Variants in MPP7 observed in about 807,000 individuals in gnomAD.
MPP7 encodes the protein MAGUK p55 subfamily member 7.
Under a neutral mutation model 76.5 loss-of-function variants are expected in MPP7, and 60 were observed. That is an observed-to-expected ratio of 0.78 (90% CI 0.64 to 0.97). The LOEUF is 0.97. Ranked by LOEUF, MPP7 falls within the 50% of genes least tolerant of loss-of-function variation. The pLI is 0.00. For missense variants in MPP7, 641 were observed against 694.0 expected (o/e 0.92, Z 0.86); for synonymous variants, 237 against 244.5 (o/e 0.97, Z 0.29).
chr10:28,264,642 G>A (rs1481735039), intron 1 of MPP7, among the ~76,000 whole-genome samples: 1 of 150,886 alleles, frequency 6.6e-6, no homozygotes, highest in Non-Finnish European at 1.5e-5. Context: ...TCTGACTGAA[G>A]AGCCCAAGCA....
chr10:28,292,587 T>A (rs978462941), intron 1 of MPP7, among the ~76,000 whole-genome samples: 4 of 152,184 alleles, frequency 2.6e-5, no homozygotes, highest in Admixed American at 1.3e-4. Context: ...CTCTAGAGAT[T>A]ATAATTCAGT....
intron 1 of MPP7, among the ~76,000 whole-genome samples, chr10:28,242,287 C>T (rs1343619008): frequency 2.0e-5 from 3 of 152,270 alleles, no homozygotes; most frequent in Middle Eastern, 6.8e-3. Flanking sequence ...ACCAGATACA[C>T]ATACTCAAAA....
At chr10:28,060,019 G>A (rs1041053743) in intron 13 of MPP7, among the ~76,000 whole-genome samples, 3 of 151,198 alleles carry the variant, frequency 2.0e-5, no homozygotes, top group Non-Finnish European at 4.4e-5. Flanking sequence ...CCTGATACAA[G>A]AGTGCTATTT....
intron 11 of MPP7, among the ~76,000 whole-genome samples, chr10:28,113,743 C>G (rs1224341261): frequency 6.6e-6 from 1 of 152,214 alleles, no homozygotes. Context: ...ATACAACACA[C>G]TTGTCCATGT....
intron 1 of MPP7, among the ~76,000 whole-genome samples, chr10:28,247,536 C>A (rs1411855865): frequency 6.6e-6 from 1 of 152,134 alleles, no homozygotes; most frequent in African/African-American, 2.4e-5. Flanking sequence ...ATAACACAAA[C>A]AACTTTATAT....
At chr10:28,294,392 C>G (rs1840994185) in intron 1 of MPP7, among the ~76,000 whole-genome samples, 3 of 152,160 alleles carry the variant, frequency 2.0e-5, no homozygotes, top group Non-Finnish European at 4.4e-5. Context: ...TCAGGTACTT[C>G]CTGTCATTCA....
intron 3 of MPP7, among the ~76,000 whole-genome samples, chr10:28,170,923 A>AT (rs978183924): frequency 6.6e-6 from 1 of 152,210 alleles, no homozygotes; most frequent in African/African-American, 2.4e-5. Context: ...ACATGACGAG[A>AT]TAACAGTGAT....
At chr10:28,097,566 A>G (rs1262006753) in intron 11 of MPP7, among the ~76,000 whole-genome samples, 1 of 152,150 alleles carries the variant, frequency 6.6e-6, no homozygotes, top group Admixed American at 6.5e-5. Context: ...TGAAGTCAAG[A>G]AGAAAGTTTC....
rs754391785 is a variant in MPP7, at chr10:28,258,258, T to TA, written c.-131-19524dup. ...AGACCACCAAGAAGACAAGAAAGGT[T>TA]AAAAAAAAAAAAAGGCATTGCTGCT... On this transcript the variant is annotated intron_variant, in intron 1 of 16. Coordinates refer to ENST00000683449, the MANE Select transcript of MPP7 (RefSeq NM_001318170.2). 6.9e-3 allele frequency among the ~76,000 whole-genome samples: 937 copies of TA among 135,428 alleles called. 9 individuals are homozygous for TA. Among genetic ancestry groups the TA allele is most frequent in the African/African-American group, 0.02 (750 of 36,938 alleles). The allele number at this position is 135,428 out of a possible 152,430, so 88.8% of individuals were successfully genotyped here.
intron 1 of MPP7, among the ~76,000 whole-genome samples, chr10:28,249,403 A>C (rs1839539763): frequency 6.6e-6 from 1 of 152,190 alleles, no homozygotes; most frequent in African/African-American, 2.4e-5. Flanking sequence ...AGCCTGACCA[A>C]CATGGCGAAA....
chr10:28,217,378 T>C (rs1838343406), intron 2 of MPP7, among the ~76,000 whole-genome samples: 1 of 151,474 alleles, frequency 6.6e-6, no homozygotes, highest in African/African-American at 2.4e-5. Context: ...AAAACACAAA[T>C]ATTAGCTGGG....
chr10:28,323,299 A>G (rs1024922826), intron 2 of MPP7, among the ~76,000 whole-genome samples: 2 of 151,978 alleles, frequency 1.3e-5, no homozygotes, highest in African/African-American at 4.8e-5. Context: ...AAAAAGAAAA[A>G]TAAATCAGCT....
intron 5 of MPP7, among the ~76,000 whole-genome samples, chr10:28,135,084 A>G (rs1835312452): frequency 6.6e-6 from 1 of 152,188 alleles, no homozygotes; most frequent in African/African-American, 2.4e-5. Flanking sequence ...GACAGAGATC[A>G]CTGAGAGACA....
intron 2 of MPP7, among the ~76,000 whole-genome samples, chr10:28,212,968 C>G (rs1838190660): frequency 6.6e-6 from 1 of 152,102 alleles, no homozygotes; most frequent in Non-Finnish European, 1.5e-5. Flanking sequence ...GAGATAGGGT[C>G]TTGCTCTGCC....
chr10:28,191,847 G>A (rs981035174), intron 3 of MPP7, among the ~76,000 whole-genome samples: 1 of 152,080 alleles, frequency 6.6e-6, no homozygotes, highest in Admixed American at 6.6e-5. Context: ...TTTAAGGCTG[G>A]GTGCAGTGGT....
intron 1 of MPP7, among the ~76,000 whole-genome samples, chr10:28,295,305 CA>C (rs1288806524): frequency 2.0e-5 from 3 of 152,018 alleles, no homozygotes; most frequent in African/African-American, 2.4e-5. Flanking sequence ...TTCTTTCTCC[CA>C]AACTTGACAA....
At chr10:28,243,617 T>C (rs998815028) in intron 1 of MPP7, among the ~76,000 whole-genome samples, 1 of 151,734 alleles carries the variant, frequency 6.6e-6, no homozygotes. Flanking sequence ...GAAACTGCCA[T>C]ATATCTTTGG....
rs1019124018 is a variant in MPP7 at position 28,175,530 on chromosome 10, T to G, written c.157-25471A>C. Among the ~76,000 whole-genome samples, 8 of 152,108 alleles carry G rather than the reference T, an allele frequency of 5.3e-5. No individual in the cohort carries two copies. In the East Asian group the frequency reaches 1.5e-3, roughly 29 times the overall value. ...ATCTGGGAAAACTGATACTAAACAG[T>G]CAACACTGAGAAATATTTTTTAAGA... On this transcript the variant is annotated intron_variant, in intron 3 of 16. Transcript: ENST00000683449.
At chr10:28,129,392 T>C (rs1835121958) in intron 6 of MPP7, among the ~76,000 whole-genome samples, 1 of 152,138 alleles carries the variant, frequency 6.6e-6, no homozygotes, top group Non-Finnish European at 1.5e-5. Flanking sequence ...AAAAAATAAA[T>C]TCTGGTCAGA....
Sources: allele counts gnomAD v4.1 joint callset (sites outside exome capture counted in the v4.1 genomes callset), GRCh38; gene constraint gnomAD v4.1.1; transcripts MANE v1.5; gene names NCBI Gene and HGNC (gene_info 2026-07-23, HGNC 2026-07-21).